The following DTWD1 variants were observed in gnomAD, a reference collection of about 807,000 sequenced individuals.
The protein encoded by DTWD1 is DTW motif tRNA-uridine aminocarboxypropyltransferase 1.
DTWD1 carries 27 observed loss-of-function variants against 30.2 expected under a neutral mutation model. The observed-to-expected ratio is 0.90, with a 90% CI of 0.66 to 1.23. The LOEUF is 1.23. Ranked by LOEUF, DTWD1 falls within the 50% of genes most tolerant of loss-of-function variation. DTWD1 has a pLI of 0.00. For synonymous variants in DTWD1, 99 were observed against 113.1 expected, an observed-to-expected ratio of 0.88 and a Z score of 0.79; for missense variants, 342 against 348.8, an observed-to-expected ratio of 0.98 and a Z score of 0.15.
At position 49,646,417 on chromosome 15, in the gene DTWD1, A is replaced by G. The variant is rs2079118870; in HGVS notation, c.*2839A>G. 6.6e-6 allele frequency: 1 copy of G among 152,104 alleles called. No individual in the cohort carries two copies. The highest frequency in any genetic ancestry group is 1.5e-5 in the Non-Finnish European group (1 of 68,018). The allele number at this position is 152,104 out of a possible 1,614,324, so 9.4% of individuals were successfully genotyped here. ...TGCTTTGCCTTAGCTACCACCTCAT[A>G]TAGTAACAGATTACCAGCAGGTTTG... On this transcript the variant is annotated 3_prime_UTR_variant, in exon 5 of 5. Coordinates refer to ENST00000403028, the MANE Select transcript of DTWD1 (RefSeq NM_001144955.2).
chr15:49,631,380 C>T (rs1282898970), intron 2 of DTWD1, among the ~76,000 whole-genome samples: 1 of 152,136 alleles, frequency 6.6e-6, no homozygotes, highest in East Asian at 1.9e-4. Flanking sequence ...CAAAGGATAA[C>T]AGTTTTGACT....
chr15:49,637,874 A>G (rs2079021458), intron 4 of DTWD1, among the ~76,000 whole-genome samples: 2 of 152,228 alleles, frequency 1.3e-5, no homozygotes, highest in Non-Finnish European at 2.9e-5. Context: ...TAGTTTATGC[A>G]TCTGAGATCT....
intron 2 of DTWD1, 60 bp downstream of exon 2, chr15:49,625,491 G>T: frequency 2.2e-6 from 3 of 1,381,304 alleles, no homozygotes; most frequent in South Asian, 1.3e-5. Context: ...AACATCTCAT[G>T]TATACCTACT....
At chr15:49,622,836 G>A (rs530969078) in intron 1 of DTWD1, among the ~76,000 whole-genome samples, 3 of 152,222 alleles carry the variant, frequency 2.0e-5, no homozygotes, top group Admixed American at 1.3e-4. Flanking sequence ...AGAGTATATA[G>A]GTGAACTAAG....
chr15:49,638,733 C>A (rs1386745282), intron 4 of DTWD1, among the ~76,000 whole-genome samples: 2 of 152,088 alleles, frequency 1.3e-5, no homozygotes, highest in East Asian at 1.9e-4. Context: ...GGTTAAGAAT[C>A]CCTTTAACAA....
chr15:49,625,852 A>G (rs1358175719), intron 2 of DTWD1, among the ~76,000 whole-genome samples: 4 of 152,130 alleles, frequency 2.6e-5, no homozygotes, highest in Non-Finnish European at 4.4e-5. Flanking sequence ...ATGTCTGGAC[A>G]TGTTTGGCCA....
Position 49,634,802 on chromosome 15 carries a change from A to T in DTWD1, c.667+8A>T. ...CTGATGAGCGACTTCAAGGTAAAAAAAAAATGTTTTTTTGGACTGCTCCTC... is the reference window on the plus strand; with the variant it reads ...CTGATGAGCGACTTCAAGGTAAAAATAAAATGTTTTTTTGGACTGCTCCTC... On this transcript the variant is annotated splice_region_variant and intron_variant, in intron 4 of 4. Coordinates refer to ENST00000403028, the MANE Select transcript of DTWD1 (RefSeq NM_001144955.2). 2 of 1,552,256 alleles carry T rather than the reference A, an allele frequency of 1.3e-6. No individual in the cohort carries two copies. Among genetic ancestry groups the T allele is most frequent in the Non-Finnish European group, 1.7e-6 (2 of 1,156,274 alleles).
At chr15:49,625,571 T>G (rs73406042) in intron 2 of DTWD1, 140 bp downstream of exon 2, 1 of 944,662 alleles carries the variant, frequency 1.1e-6, no homozygotes, top group Non-Finnish European at 1.5e-6. Flanking sequence ...AAAGAAAAAC[T>G]AGCACTTAGA....
chr15:49,632,004 A>G (rs1463164320), intron 2 of DTWD1, 155 bp from the exon 3 acceptor site: 5 of 795,278 alleles, frequency 6.3e-6, no homozygotes, highest in East Asian at 2.8e-5. Context: ...TTTTGTAACA[A>G]TCACCATTCT....
At chr15:49,626,510 A>G (rs929253897) in intron 2 of DTWD1, among the ~76,000 whole-genome samples, 4 of 152,138 alleles carry the variant, frequency 2.6e-5, no homozygotes, top group Admixed American at 6.5e-5. Context: ...TATTATATAT[A>G]TGTTAACTTG....
chr15:49,638,619 T>C (rs1247342491), intron 4 of DTWD1, among the ~76,000 whole-genome samples: 1 of 152,188 alleles, frequency 6.6e-6, no homozygotes, highest in Non-Finnish European at 1.5e-5. Flanking sequence ...GCTTTAAAAC[T>C]TCGTCATTTC....
chr15:49,625,094 T>G lies in DTWD1; in HGVS notation c.-55-19T>G. 1 of 1,404,690 alleles carries G rather than the reference T, an allele frequency of 7.1e-7. No individual in the cohort carries two copies. Among genetic ancestry groups the G allele is most frequent in the Non-Finnish European group, 9.7e-7 (1 of 1,028,482 alleles). The allele number at this position is 1,404,690 out of a possible 1,614,324, so 87.0% of individuals were successfully genotyped here. ...TTTCTGTTTTTATTTTTCCTTCTCT[T>G]GATACTTTTTTTTTACAGTGCACCT... On this transcript the variant is annotated intron_variant, in intron 1 of 4. Transcript: ENST00000403028.
At position 49,652,191 on chromosome 15, in the gene DTWD1, G is replaced by C. The variant is rs1269218544; in HGVS notation, c.*8613G>C. ...TCTGAACTCTGCAGTGAGAGGTCTT[G>C]GTCCCACAAGGGGACACAGTTTTGC... On this transcript the variant is annotated 3_prime_UTR_variant, in exon 5 of 5. Coordinates refer to ENST00000403028, the MANE Select transcript of DTWD1 (RefSeq NM_001144955.2). 1 of 152,014 alleles carries C rather than the reference G, an allele frequency of 6.6e-6. No homozygotes were observed. The highest frequency in any genetic ancestry group is 1.5e-5 in the Non-Finnish European group (1 of 68,004). The allele number at this position is 152,014 out of a possible 1,614,324, so 9.4% of individuals were successfully genotyped here. A position where few individuals can be genotyped will look rare whatever the true frequency, so the allele number is the denominator to read the frequency against.
chr15:49,639,064 C>T (rs892526876), intron 4 of DTWD1, among the ~76,000 whole-genome samples: 1 of 152,078 alleles, frequency 6.6e-6, no homozygotes. Flanking sequence ...AAAGTGATAA[C>T]TTTATTCATA....
In DTWD1 at chr15:49,649,896, A is replaced by T. The variant is rs1289967349; in HGVS notation, c.*6318A>T. On this transcript the variant is annotated 3_prime_UTR_variant, in exon 5 of 5. Transcript: ENST00000403028. The stretch of plus-strand genomic sequence containing the variant: ...CGAGGTAGTAAGTGCTAAGAAGAAA[A>T]TAAAGCAGAGTAAGGAACTGATAGT... The T allele has an allele frequency of 6.6e-6, 1 of 152,204 alleles. No individual in the cohort carries two copies. Among genetic ancestry groups the T allele is most frequent in the Non-Finnish European group, 1.5e-5 (1 of 68,028 alleles). The allele number at this position is 152,204 out of a possible 1,614,324, so 9.4% of individuals were successfully genotyped here.
rs1286686750 is a variant in DTWD1 at position 49,655,571 on chromosome 15, C to T, written c.*11993C>T. The T allele has an allele frequency of 2.0e-5, 3 of 151,932 alleles. No individual in the cohort carries two copies. 9.4% of individuals were successfully genotyped at this position (151,932 alleles called of 1,614,324 possible). Reference sequence around the variant, plus strand: ...CAACTTCTATAAATATTGAGACATTCCCTTTCTACCTTTGGCTAAGAATTG... The same window carrying T: ...CAACTTCTATAAATATTGAGACATTTCCTTTCTACCTTTGGCTAAGAATTG... On this transcript the variant is annotated 3_prime_UTR_variant, in exon 5 of 5. Coordinates refer to ENST00000403028, the MANE Select transcript of DTWD1 (RefSeq NM_001144955.2).
At chr15:49,625,638 G>A (rs1358743889) in intron 2 of DTWD1, 7 of 533,504 alleles carry the variant, frequency 1.3e-5, no homozygotes, top group African/African-American at 1.9e-5. Context: ...GCGCCTGATC[G>A]CAAGAGCACA....
At chr15:49,640,303 T>A (rs1337449260) in intron 4 of DTWD1, among the ~76,000 whole-genome samples, 3 of 152,156 alleles carry the variant, frequency 2.0e-5, no homozygotes, top group Admixed American at 6.6e-5. Flanking sequence ...TTATTCTATT[T>A]CACTGCTGAA....
Position 49,652,339 on chromosome 15 carries a change from T to G in DTWD1, c.*8761T>G, listed in dbSNP as rs1229661266. 1.3e-5 allele frequency: 2 copies of G among 152,180 alleles called. No homozygotes were observed. Among genetic ancestry groups the G allele is most frequent in the East Asian group, 3.9e-4 (2 of 5,176 alleles). 9.4% of individuals were successfully genotyped at this position (152,180 alleles called of 1,614,324 possible). On this transcript the variant is annotated 3_prime_UTR_variant, in exon 5 of 5. Coordinates refer to ENST00000403028, the MANE Select transcript of DTWD1 (RefSeq NM_001144955.2). ...AAAAGGAGTCAAGATCAGTTGACCC[T>G]AATCAAGAGGAGATTGGAATCCTGG...
Sources: gnomAD v4.1 joint callset for allele counts (sites outside exome capture counted in the v4.1 genomes callset) on GRCh38, gnomAD v4.1.1 for gene constraint, MANE v1.5 for transcripts, NCBI Gene and HGNC (gene_info 2026-07-23, HGNC 2026-07-21) for gene names.